Variants in EPHA6 observed in about 807,000 individuals in gnomAD.
EPHA6 encodes ephrin type-A receptor 6.
EPHA6 carries 50 observed loss-of-function variants against 112.0 expected under a neutral mutation model. That is an observed-to-expected ratio of 0.45 (90% CI 0.36 to 0.56). EPHA6 has a LOEUF of 0.56. Ranked by LOEUF, EPHA6 falls within the 20% of genes least tolerant of loss-of-function variation. The pLI is 0.00. For missense variants in EPHA6, 1,280 were observed against 1,417.4 expected, an observed-to-expected ratio of 0.90 and a Z score of 1.56; for synonymous variants, 529 against 490.7, an observed-to-expected ratio of 1.08 and a Z score of -1.03.
intron 3 of EPHA6, among the ~76,000 whole-genome samples, chr3:97,040,029 T>C (rs1249277637): frequency 6.6e-6 from 1 of 151,824 alleles, no homozygotes; most frequent in Non-Finnish European, 1.5e-5. Flanking sequence ...AGAAAACTGG[T>C]AGTTAAATTG....
chr3:97,672,127 T>A (rs776552416), intron 14 of EPHA6, among the ~76,000 whole-genome samples: 12 of 152,204 alleles, frequency 7.9e-5, no homozygotes, highest in African/African-American at 1.2e-4. Flanking sequence ...CAAAATTATA[T>A]CATTCATTTC....
intron 5 of EPHA6, among the ~76,000 whole-genome samples, chr3:97,260,801 C>T (rs150093360): frequency 1.3e-5 from 2 of 152,184 alleles, no homozygotes; most frequent in Non-Finnish European, 2.9e-5. Flanking sequence ...TTGATCTCAG[C>T]TGTTGGATCT....
chr3:97,172,781 G>A (rs548606372), intron 3 of EPHA6, among the ~76,000 whole-genome samples: 2 of 152,016 alleles, frequency 1.3e-5, no homozygotes, highest in African/African-American at 4.8e-5. Flanking sequence ...TATCTCAACT[G>A]GCTTGCTTTG....
chr3:97,303,776 A>G (rs962222486), intron 5 of EPHA6, among the ~76,000 whole-genome samples: 4 of 152,022 alleles, frequency 2.6e-5, no homozygotes, highest in African/African-American at 9.7e-5. Flanking sequence ...GATTCATAAG[A>G]CACAGCTTTT....
intron 12 of EPHA6, among the ~76,000 whole-genome samples, chr3:97,604,397 A>T (rs902267281): frequency 6.6e-6 from 1 of 151,756 alleles, no homozygotes; most frequent in African/African-American, 2.4e-5. Context: ...TTACTGCATC[A>T]TATGAAACAT....
chr3:97,251,009 G>A (rs529167237), intron 5 of EPHA6, among the ~76,000 whole-genome samples: 7 of 151,904 alleles, frequency 4.6e-5, no homozygotes, highest in African/African-American at 1.4e-4. Flanking sequence ...GGGATTACAG[G>A]TGCCCACCAC....
chr3:97,310,561 A>T (rs2108751065), intron 5 of EPHA6, among the ~76,000 whole-genome samples: 1 of 151,552 alleles, frequency 6.6e-6, no homozygotes, highest in East Asian at 1.9e-4. Context: ...TAGGCAAAAA[A>T]AAAAGAGTCT....
intron 10 of EPHA6, among the ~76,000 whole-genome samples, chr3:97,505,868 G>T (rs990106444): frequency 2.0e-5 from 3 of 152,120 alleles, no homozygotes; most frequent in Admixed American, 6.6e-5. Context: ...ACTTTTTAAT[G>T]ATCGCCATTC....
At chr3:97,237,957 A>T (rs1222744392) in intron 4 of EPHA6, among the ~76,000 whole-genome samples, 1 of 151,958 alleles carries the variant, frequency 6.6e-6, no homozygotes, top group Non-Finnish European at 1.5e-5. Context: ...TACTTTTACT[A>T]TTGATCTGCA....
At chr3:97,093,284 C>G (rs1044766756) in intron 3 of EPHA6, among the ~76,000 whole-genome samples, 1 of 152,144 alleles carries the variant, frequency 6.6e-6, no homozygotes, top group Non-Finnish European at 1.5e-5. Flanking sequence ...TGTAGTGGCT[C>G]ACTCCTGTAA....
rs1032528519 is a variant in EPHA6, at chr3:97,758,231, G to A, written c.*9530G>A. Among the ~76,000 whole-genome samples the A allele has an allele frequency of 4.6e-5, 7 of 151,676 alleles. No homozygotes were observed. The highest frequency in any genetic ancestry group is 1.7e-4 in the African/African-American group (7 of 41,342). ...AAACCTTTGAGAAAACAAAATAATC[G>A]TTTTCCCTACCTTACAACCTTGATC... On this transcript the variant is annotated 3_prime_UTR_variant, in exon 18 of 18. Coordinates refer to ENST00000389672, the MANE Select transcript of EPHA6 (RefSeq NM_001080448.3).
chr3:97,433,179 T>C (rs1372056471), intron 6 of EPHA6, among the ~76,000 whole-genome samples: 1 of 152,160 alleles, frequency 6.6e-6, no homozygotes, highest in Non-Finnish European at 1.5e-5. Flanking sequence ...CTCTATAGTT[T>C]GCCTTCATAG....
intron 2 of EPHA6, among the ~76,000 whole-genome samples, chr3:96,887,453 C>T (rs1345257645): frequency 6.6e-6 from 1 of 152,164 alleles, no homozygotes; most frequent in Admixed American, 6.5e-5. Context: ...TTATGGGTCT[C>T]AGCTGTGAAT....
chr3:97,272,017 A>T (rs2079899279), intron 5 of EPHA6, among the ~76,000 whole-genome samples: 1 of 152,198 alleles, frequency 6.6e-6, no homozygotes, highest in Admixed American at 6.5e-5. Flanking sequence ...TATGTATTAA[A>T]TATTCTAATG....
chr3:97,475,481 T>G (rs1183766476), intron 8 of EPHA6, 21 bp downstream of exon 8: 2 of 1,514,166 alleles, frequency 1.3e-6, no homozygotes, highest in East Asian at 4.5e-5. Flanking sequence ...CATACCATAC[T>G]ATTTCCGAGA....
At chr3:97,484,675 CT>C (rs778000641) in intron 10 of EPHA6, among the ~76,000 whole-genome samples, 3 of 152,196 alleles carry the variant, frequency 2.0e-5, no homozygotes, top group Admixed American at 2.0e-4. Context: ...ATTTATTCCT[CT>C]TTCAGATGCT....
rs564630839 is a variant in EPHA6 at position 97,640,694 on chromosome 3, C to T, written c.2784+2612C>T. Among the ~76,000 whole-genome samples, 10 of 151,968 alleles carry T rather than the reference C, an allele frequency of 6.6e-5. No individual in the cohort carries two copies. In the South Asian group the frequency reaches 8.3e-4, roughly 13 times the overall value. On this transcript the variant is annotated intron_variant, in intron 14 of 17. Coordinates refer to ENST00000389672, the MANE Select transcript of EPHA6 (RefSeq NM_001080448.3). ...ACTCGGCAGGCTGAGGCAGGAGAACCGCTTGAACCCAGGAGGCGGAGGTTG... is the reference window on the plus strand; with the variant it reads ...ACTCGGCAGGCTGAGGCAGGAGAACTGCTTGAACCCAGGAGGCGGAGGTTG...
chr3:97,426,617 A>G (rs756097841), intron 6 of EPHA6, among the ~76,000 whole-genome samples: 2 of 152,214 alleles, frequency 1.3e-5, no homozygotes, highest in African/African-American at 2.4e-5. Flanking sequence ...CCTAGGAAAT[A>G]CCACTCTGGA....
intron 11 of EPHA6, among the ~76,000 whole-genome samples, chr3:97,549,113 T>G (rs1281916536): frequency 1.3e-5 from 2 of 152,226 alleles, no homozygotes; most frequent in East Asian, 3.8e-4. Context: ...GGTTTGTGTA[T>G]TAGCTAACTA....
Sources: gnomAD v4.1 joint callset for allele counts (sites outside exome capture counted in the v4.1 genomes callset) on GRCh38, gnomAD v4.1.1 for gene constraint, MANE v1.5 for transcripts, NCBI Gene and HGNC (gene_info 2026-07-23, HGNC 2026-07-21) for gene names.